The following CREB5 variants were observed in gnomAD, a reference collection of about 807,000 sequenced individuals.
The protein encoded by CREB5 is cAMP responsive element binding protein 5.
CREB5 carries 19 observed loss-of-function variants against 57.1 expected under a neutral mutation model. The ratio of observed to expected loss-of-function variants is 0.33; its 90% CI spans 0.23 to 0.49. The LOEUF is 0.49. Among genes scored for constraint, CREB5 ranks in the 20% least tolerant of loss-of-function variants. The pLI is 0.99. For missense variants in CREB5, 579 were observed against 671.6 expected, an observed-to-expected ratio of 0.86 and a Z score of 1.52; for synonymous variants, 238 against 238.3, an observed-to-expected ratio of 1.00 and a Z score of 0.01.
intron 5 of CREB5, among the ~76,000 whole-genome samples, chr7:28,672,673 T>G (rs773542313): frequency 2.0e-5 from 3 of 152,108 alleles, no homozygotes; most frequent in Non-Finnish European, 4.4e-5. Flanking sequence ...TCAGGGAAAT[T>G]ACTGGATGAG....
At chr7:28,445,784 C>T (rs1344538880) in intron 1 of CREB5, among the ~76,000 whole-genome samples, 1 of 151,660 alleles carries the variant, frequency 6.6e-6, no homozygotes, top group Admixed American at 6.6e-5. Flanking sequence ...ATCTTCTGAC[C>T]TCATGATCCG....
At position 28,348,593 on chromosome 7, in the gene CREB5, G is replaced by A. The variant is rs180743987; in HGVS notation, c.-25+49152G>A. On this transcript the variant is annotated intron_variant, in intron 1 of 9. Coordinates refer to the CREB5 transcript ENST00000396299. ...GTGGAAAGAGTCTTTCTGTATAATC[G>A]AAATTCCCATTATGCTCATCTTATG... Among the ~76,000 whole-genome samples, 5 of 152,186 alleles carry A rather than the reference G, an allele frequency of 3.3e-5. No individual in the cohort carries two copies. In the East Asian group the frequency reaches 5.8e-4, roughly 18 times the overall value.
intron 5 of CREB5, among the ~76,000 whole-genome samples, chr7:28,573,729 G>A (rs1266806166): frequency 6.6e-6 from 1 of 152,232 alleles, no homozygotes; most frequent in Admixed American, 6.5e-5. Context: ...TGGGAGTAGT[G>A]CCAGTTATCA....
chr7:28,694,808 A>G (rs1328452828), intron 5 of CREB5, among the ~76,000 whole-genome samples: 5 of 152,198 alleles, frequency 3.3e-5, no homozygotes, highest in African/African-American at 1.2e-4. Flanking sequence ...CAGCCTCCTG[A>G]GTAGCCAGGG....
chr7:28,515,892 GAA>G (rs1792927384), intron 4 of CREB5, among the ~76,000 whole-genome samples: 1 of 29,688 alleles, frequency 3.4e-5, no homozygotes, highest in South Asian at 9.6e-4. Flanking sequence ...AAAACTAACA[GAA>G]ATGTTTAAAG....
chr7:28,676,171 C>A (rs1800313704), intron 5 of CREB5, among the ~76,000 whole-genome samples: 1 of 152,160 alleles, frequency 6.6e-6, no homozygotes, highest in Non-Finnish European at 1.5e-5. Flanking sequence ...TAGGAGGCCT[C>A]TTTGCTTTCA....
intron 7 of CREB5, among the ~76,000 whole-genome samples, chr7:28,744,866 C>T (rs1447192721): frequency 2.0e-5 from 3 of 152,214 alleles, no homozygotes; most frequent in Non-Finnish European, 4.4e-5. Context: ...ATCTCGAATT[C>T]CAGTGGGAGT....
At chr7:28,738,493 A>G (rs1216220305) in intron 7 of CREB5, among the ~76,000 whole-genome samples, 1 of 152,234 alleles carries the variant, frequency 6.6e-6, no homozygotes, top group East Asian at 1.9e-4. Flanking sequence ...TTCAAATCTG[A>G]TGAATGAGTT....
In CREB5 at chr7:28,823,222, G is replaced by A. The variant is rs1809881401; in HGVS notation, c.*3943G>A. 1 of 152,354 alleles carries A rather than the reference G, an allele frequency of 6.6e-6. No homozygotes were observed. Among genetic ancestry groups the A allele is most frequent in the Non-Finnish European group, 1.5e-5 (1 of 67,976 alleles). 9.4% of individuals were successfully genotyped at this position (152,354 alleles called of 1,614,324 possible). On this transcript the variant is annotated 3_prime_UTR_variant, in exon 11 of 11. Transcript: ENST00000357727. ...TTAGGATAGAATGTGTTTCTTTCTG[G>A]TTAAAAAAAGGAAAAACCATCTAAG... is the stretch of plus-strand genomic sequence containing the variant.
chr7:28,507,735 C>A lies in CREB5; in HGVS notation c.289C>A (p.Arg97=), dbSNP rs766189534. The A allele has an allele frequency of 6.3e-7, 1 of 1,599,096 alleles. No individual in the cohort carries two copies. Among genetic ancestry groups the A allele is most frequent in the Non-Finnish European group, 8.6e-7 (1 of 1,168,738 alleles). Reference sequence around the variant, plus strand: ...GGCTCAGGAAGAGGAGAGCAGCAAGCGGGTAGGTTTGCTTGGATGGCCGCC... The same window carrying A: ...GGCTCAGGAAGAGGAGAGCAGCAAGAGGGTAGGTTTGCTTGGATGGCCGCC... ...RKAQEEESSK[R]NISMHNAVGG... The change falls in exon 4 of 11, where the codon CGG becomes AGG. Residue 97 remains arginine, a splice_region_variant and synonymous_variant. Transcript: ENST00000357727.
intron 8 of CREB5, among the ~76,000 whole-genome samples, chr7:28,808,401 A>G (rs923424228): frequency 4.6e-5 from 7 of 152,246 alleles, no homozygotes; most frequent in Non-Finnish European, 7.3e-5. Context: ...TTTTACCACT[A>G]TTAGAATGAA....
intron 5 of CREB5, among the ~76,000 whole-genome samples, chr7:28,607,772 TGTGTGTGTGTG>T (rs1797202232): frequency 6.7e-6 from 1 of 150,160 alleles, no homozygotes; most frequent in Non-Finnish European, 1.5e-5. Flanking sequence ...TGTGTGTGTG[TGTGTGTGTGTG>T]TGTGTGTGTG....
intron 7 of CREB5, among the ~76,000 whole-genome samples, chr7:28,729,412 G>A (rs1803494132): frequency 6.6e-6 from 1 of 152,184 alleles, no homozygotes; most frequent in African/African-American, 2.4e-5. Flanking sequence ...AACTAGGGAG[G>A]TATGGTGAGC....
chr7:28,666,137 C>T (rs1307715346), intron 5 of CREB5, among the ~76,000 whole-genome samples: 1 of 152,156 alleles, frequency 6.6e-6, no homozygotes, highest in African/African-American at 2.4e-5. Flanking sequence ...ATGAGAAATA[C>T]ATGTTGTGAA....
intron 5 of CREB5, among the ~76,000 whole-genome samples, chr7:28,624,881 G>A (rs1393337611): frequency 6.6e-6 from 1 of 151,982 alleles, no homozygotes; most frequent in Non-Finnish European, 1.5e-5. Flanking sequence ...GGCAATCCTA[G>A]GTTCATGCCC....
Position 28,821,355 on chromosome 7 carries a change from ATATT to A in CREB5, c.*2080_*2083del, listed in dbSNP as rs1809760651. On this transcript the variant is annotated 3_prime_UTR_variant, in exon 11 of 11. Transcript: ENST00000357727. ...ATCTAATAACTTACTTTTTAAATCA[ATATT>A]TATCAACAATCTTTCCTTGTATGCA... The A allele has an allele frequency of 6.6e-6, 1 of 152,068 alleles. No individual in the cohort carries two copies. The allele number at this position is 152,068 out of a possible 1,614,324, so 9.4% of individuals were successfully genotyped here. A position where few individuals can be genotyped will look rare whatever the true frequency, so the allele number is the denominator to read the frequency against.
intron 1 of CREB5, among the ~76,000 whole-genome samples, chr7:28,323,564 C>T (rs534159997): frequency 2.0e-5 from 3 of 152,120 alleles, no homozygotes; most frequent in Non-Finnish European, 4.4e-5. Context: ...TACCACTTTT[C>T]GGCTCCTGAA....
intron 1 of CREB5, among the ~76,000 whole-genome samples, chr7:28,479,203 A>G (rs920071196): frequency 6.6e-6 from 1 of 152,098 alleles, no homozygotes; most frequent in Non-Finnish European, 1.5e-5. Context: ...CTTATACTCT[A>G]ATTATTCTTG....
intron 5 of CREB5, among the ~76,000 whole-genome samples, chr7:28,623,991 G>T (rs1419937179): frequency 6.6e-6 from 1 of 152,154 alleles, no homozygotes; most frequent in Non-Finnish European, 1.5e-5. Context: ...GATGATGGTG[G>T]TGATGACAAC....
Sources: allele counts gnomAD v4.1 joint callset (sites outside exome capture counted in the v4.1 genomes callset), GRCh38; gene constraint gnomAD v4.1.1; transcripts MANE v1.5; gene names NCBI Gene and HGNC (gene_info 2026-07-23, HGNC 2026-07-21).